The following SCLT1 variants were observed in gnomAD, a reference collection of about 807,000 sequenced individuals.
The protein encoded by SCLT1 is sodium channel-associated protein 1.
A neutral mutation model predicts 112.8 loss-of-function variants in SCLT1; 78 were observed. That is an observed-to-expected ratio of 0.69 (90% CI 0.58 to 0.83). The LOEUF (loss-of-function observed/expected upper bound fraction) is 0.83. SCLT1 is among the 40% of genes least tolerant of loss of function. The probability of loss-of-function intolerance (pLI) is 0.00; values close to 1 mark genes in which losing one functional copy is unlikely to be tolerated. For missense variants in SCLT1, 747 were observed against 770.4 expected (o/e 0.97, Z 0.36); for synonymous variants, 257 against 254.7 (o/e 1.01, Z -0.09).
At chr4:128,948,854 G>A (rs1054996209) in intron 14 of SCLT1, among the ~76,000 whole-genome samples, 2 of 152,114 alleles carry the variant, frequency 1.3e-5, no homozygotes, top group Non-Finnish European at 2.9e-5. Context: ...TCATACTATA[G>A]ATTTTCTTTT....
intron 1 of SCLT1, among the ~76,000 whole-genome samples, chr4:129,091,297 T>C (rs1231294196): frequency 1.3e-5 from 2 of 151,842 alleles, no homozygotes; most frequent in African/African-American, 4.8e-5. Context: ...CTTTGAACCA[T>C]TCCTTCTTCT....
chr4:128,923,687 A>G (rs1335298387), intron 18 of SCLT1, among the ~76,000 whole-genome samples: 2 of 151,060 alleles, frequency 1.3e-5, no homozygotes, highest in African/African-American at 4.9e-5. Context: ...TGTTGAGTGT[A>G]TCAGTGGTTT....
chr4:129,027,971 G>C (rs1011359136), intron 5 of SCLT1, among the ~76,000 whole-genome samples: 2 of 152,138 alleles, frequency 1.3e-5, no homozygotes, highest in Non-Finnish European at 2.9e-5. Flanking sequence ...ACTTACAAGG[G>C]ACGGGAAGGA....
At chr4:128,965,736 T>A (rs1579531638) in intron 10 of SCLT1, among the ~76,000 whole-genome samples, 1 of 152,216 alleles carries the variant, frequency 6.6e-6, no homozygotes, top group Non-Finnish European at 1.5e-5. Flanking sequence ...TGACCTATAT[T>A]AATAAATTTT....
Position 128,888,718 on chromosome 4 carries a change from T to TA in SCLT1, c.1964dup (p.Ser656LysfsTer56). ...AAGCAGCTCTCTCTTCTGCCTGACT[T>TA]AGACGCCTTTGAAGTCTGTTGGCTT... is the stretch of plus-strand genomic sequence containing the variant. On this transcript the variant is annotated frameshift_variant, in exon 20 of 21. Transcript: ENST00000281142. LOFTEE classifies it high-confidence loss of function. 1 of 1,613,496 alleles carries TA rather than the reference T, an allele frequency of 6.2e-7. No individual in the cohort carries two copies. The highest frequency in any genetic ancestry group is 8.5e-7 in the Non-Finnish European group (1 of 1,179,528).
intron 18 of SCLT1, among the ~76,000 whole-genome samples, chr4:128,910,892 C>T (rs1471858253): frequency 1.3e-5 from 2 of 151,988 alleles, no homozygotes; most frequent in Non-Finnish European, 2.9e-5. Flanking sequence ...TGTGCCAATA[C>T]TGTTTTATGT....
chr4:128,917,067 C>T (rs1735535063), intron 18 of SCLT1, among the ~76,000 whole-genome samples: 3 of 152,192 alleles, frequency 2.0e-5, no homozygotes, highest in African/African-American at 7.2e-5. Context: ...AACTTGTTCA[C>T]ATCAGCCAAT....
chr4:128,932,299 T>A (rs900871927), intron 18 of SCLT1, among the ~76,000 whole-genome samples: 1 of 152,120 alleles, frequency 6.6e-6, no homozygotes, highest in Non-Finnish European at 1.5e-5. Flanking sequence ...TATAAGATAT[T>A]CATGGCATGA....
intron 6 of SCLT1, among the ~76,000 whole-genome samples, chr4:129,000,601 C>T (rs910001133): frequency 6.6e-6 from 1 of 151,846 alleles, no homozygotes; most frequent in Non-Finnish European, 1.5e-5. Flanking sequence ...GATGTGATGC[C>T]ATCCTTGCTC....
intron 2 of SCLT1, among the ~76,000 whole-genome samples, chr4:129,079,195 C>T (rs1204183628): frequency 6.6e-6 from 1 of 152,102 alleles, no homozygotes. Context: ...ATCTCATATC[C>T]TCACACTGGA....
At chr4:129,083,253 T>G (rs1752111475) in intron 1 of SCLT1, among the ~76,000 whole-genome samples, 1 of 151,354 alleles carries the variant, frequency 6.6e-6, no homozygotes, top group African/African-American at 2.4e-5. Context: ...GACCATACTT[T>G]TATTTACATC....
chr4:128,944,580 A>G (rs1425943334), intron 16 of SCLT1: 1 of 152,214 alleles, frequency 6.6e-6, no homozygotes, highest in African/African-American at 2.4e-5. Context: ...GGGGATTCCC[A>G]GAGATTAAAG....
intron 14 of SCLT1, among the ~76,000 whole-genome samples, chr4:128,951,056 C>A (rs12650832): frequency 0.74 from 112,662 of 151,926 alleles, 42,932 homozygotes; most frequent in African/African-American, 0.93. Context: ...GCATACCTTA[C>A]TTTTGGATCA....
chr4:128,985,825 C>T (rs529228165), intron 9 of SCLT1, among the ~76,000 whole-genome samples: 78 of 152,124 alleles, frequency 5.1e-4, no homozygotes, highest in Non-Finnish European at 9.3e-4. Context: ...GTGATCTGTC[C>T]GCCTCAGCCT....
chr4:128,999,324 T>C (rs1328883229), intron 7 of SCLT1, among the ~76,000 whole-genome samples: 2 of 151,938 alleles, frequency 1.3e-5, no homozygotes, highest in Non-Finnish European at 2.9e-5. Flanking sequence ...CATAAACTAA[T>C]AAACAATTTT....
At chr4:128,926,759 T>C (rs951539696) in intron 18 of SCLT1, among the ~76,000 whole-genome samples, 6 of 152,052 alleles carry the variant, frequency 3.9e-5, no homozygotes, top group African/African-American at 1.5e-4. Flanking sequence ...GTAACAGTAA[T>C]ATATTTTTTA....
chr4:128,895,573 A>C (rs886379790), intron 18 of SCLT1, among the ~76,000 whole-genome samples: 9 of 152,222 alleles, frequency 5.9e-5, no homozygotes, highest in African/African-American at 2.2e-4. Flanking sequence ...AAGATGGCTG[A>C]ATAGGAACAG....
chr4:129,077,761 C>A (rs1751587843), intron 2 of SCLT1, among the ~76,000 whole-genome samples: 1 of 152,122 alleles, frequency 6.6e-6, no homozygotes, highest in African/African-American at 2.4e-5. Flanking sequence ...TTCCTTCTTC[C>A]TTTACTGCAA....
Position 128,980,430 on chromosome 4 carries a change from T to C in SCLT1, c.687-9962A>G, listed in dbSNP as rs565494950. Among the ~76,000 whole-genome samples, 75 of 152,272 alleles carry C rather than the reference T, an allele frequency of 4.9e-4. No individual in the cohort carries two copies. In the South Asian group the frequency reaches 0.014, roughly 28 times the overall value. On this transcript the variant is annotated intron_variant, in intron 9 of 20. Coordinates refer to ENST00000281142, the MANE Select transcript of SCLT1 (RefSeq NM_144643.4). ...AGATTAAAAATGAACACAATGAACA[T>C]ATACAAACTGTGATTTATATAATTT...
Sources: gnomAD v4.1 joint callset for allele counts (sites outside exome capture counted in the v4.1 genomes callset) on GRCh38, gnomAD v4.1.1 for gene constraint, MANE v1.5 for transcripts, NCBI Gene and HGNC (gene_info 2026-07-23, HGNC 2026-07-21) for gene names.